The following LCA5L variants were observed in gnomAD, a reference collection of about 807,000 sequenced individuals.
The protein encoded by LCA5L is lebercilin LCA5 like, also known as lebercilin-like protein.
Under a neutral mutation model 45.4 loss-of-function variants are expected in LCA5L, and 35 were observed. The observed-to-expected ratio is 0.77, with a 90% CI of 0.59 to 1.02. The LOEUF is 1.02. LCA5L is among the 50% of genes least tolerant of loss of function. LCA5L has a pLI of 0.00. For synonymous variants in LCA5L, 233 were observed against 264.7 expected (o/e 0.88, Z 1.16); for missense variants, 668 against 761.6 (o/e 0.88, Z 1.45).
rs776399756 is a variant in LCA5L at position 39,423,490 on chromosome 21, C to A, written c.323G>T (p.Gly108Val). ...YNVSKISQSK[G>V]QKEISVEKKH... ...TTTTTCAACTGATATTTCCTTCTGG[C>A]CTGTGTAAGCAGAAAATCCAGTTTA... The change falls in exon 6 of 11, where the codon GGC becomes GTC. Residue 108 changes from glycine to valine, a missense_variant and splice_region_variant. Physicochemically the swap from Gly to Val is moderately radical, Grantham distance 109. Coordinates refer to ENST00000288350, the MANE Select transcript of LCA5L (RefSeq NM_152505.4). 6.5e-7 allele frequency: 1 copy of A among 1,541,996 alleles called. No homozygotes were observed. Among genetic ancestry groups the A allele is most frequent in the East Asian group, 2.3e-5 (1 of 44,088 alleles).
chr21:39,434,175 C>T (rs1400140931), intron 3 of LCA5L, among the ~76,000 whole-genome samples: 7 of 152,106 alleles, frequency 4.6e-5, no homozygotes, highest in South Asian at 4.1e-4. Flanking sequence ...CATGAAATGG[C>T]GACTGAGAGA....
At chr21:39,423,523 T>C (rs918456138) in intron 5 of LCA5L, 33 bp from the exon 6 acceptor site, 5 of 1,508,024 alleles carry the variant, frequency 3.3e-6, no homozygotes, top group Non-Finnish European at 4.4e-6. Flanking sequence ...TTATTACTAG[T>C]AAAATATACA....
intron 3 of LCA5L, among the ~76,000 whole-genome samples, chr21:39,429,753 C>T (rs1270576184): frequency 6.6e-6 from 1 of 152,174 alleles, no homozygotes; most frequent in Non-Finnish European, 1.5e-5. Context: ...CATTGTGGCT[C>T]ACATCTGAAA....
In LCA5L at chr21:39,411,759, C is replaced by A; in HGVS notation, c.1019G>T (p.Arg340Leu). The change falls in exon 8 of 11, where the codon CGA (arginine) becomes CTA (leucine). Residue 340 changes from arginine (R) to leucine (L), a missense_variant. Physicochemically the swap from Arg to Leu is moderately radical, Grantham distance 102 (BLOSUM62 -2). Coordinates refer to ENST00000288350, the MANE Select transcript of LCA5L (RefSeq NM_152505.4). ...TGTGTCATGTAAATTTTTAAGTATT[C>A]GATGACTATAGATGTTTTTAATTTC... ...ELEIKNIYSH[R>L]ILKNLHDTED... is the part of the protein sequence containing the mutation. 6.3e-7 allele frequency: 1 copy of A among 1,589,340 alleles called. No homozygotes were observed.
intron 7 of LCA5L, chr21:39,413,998 G>A (rs2040572006): frequency 6.6e-6 from 1 of 152,296 alleles, no homozygotes; most frequent in African/African-American, 2.4e-5. Context: ...TTGGAGCAGA[G>A]CTTCAGGTTG....
chr21:39,406,059 G>A lies in LCA5L; in HGVS notation c.1836C>T (p.Asp612=), dbSNP rs755278588. The A allele has an allele frequency of 5.6e-6, 9 of 1,614,066 alleles. No homozygotes were observed. The highest frequency in any genetic ancestry group is 7.6e-6 in the Non-Finnish European group (9 of 1,180,022). Residue 612 remains aspartate, a synonymous_variant, in exon 11 of 11, where the codon GAC becomes GAT. Transcript: ENST00000288350. ...CTTTTGCAACACCAGGACTTGATTG[G>A]TCAGTTTTCAAGACATAGCCTGATC... The part of the protein sequence containing the change: ...LFGSGYVLKT[D]QSSPGVAKGS...
At chr21:39,408,550 T>TTGGCC (rs1315458991) in intron 10 of LCA5L, 1 of 152,366 alleles carries the variant, frequency 6.6e-6, no homozygotes, top group African/African-American at 2.4e-5. Context: ...AGCCAGGGCC[T>TTGGCC]TGGCCTGTCT....
intron 2 of LCA5L, among the ~76,000 whole-genome samples, chr21:39,435,926 C>T (rs1283529232): frequency 6.6e-6 from 1 of 152,204 alleles, no homozygotes; most frequent in Non-Finnish European, 1.5e-5. Flanking sequence ...GTGTGAGCTA[C>T]TGCACCTGGC....
chr21:39,407,789 C>T (rs1428254539), intron 10 of LCA5L: 1 of 152,234 alleles, frequency 6.6e-6, no homozygotes, highest in Non-Finnish European at 1.5e-5. Flanking sequence ...GATACACTTT[C>T]TAGGACACTA....
intron 7 of LCA5L, among the ~76,000 whole-genome samples, chr21:39,417,786 G>C (rs1023700497): frequency 2.6e-5 from 4 of 151,732 alleles, no homozygotes; most frequent in Non-Finnish European, 2.9e-5. Flanking sequence ...TTTTTTTTGA[G>C]ATGGAGTCTC....
intron 7 of LCA5L, among the ~76,000 whole-genome samples, chr21:39,418,608 C>T (rs1312506947): frequency 1.3e-5 from 2 of 152,110 alleles, no homozygotes; most frequent in African/African-American, 4.8e-5. Context: ...TCAAGCAATT[C>T]TCCTGCCTCA....
intron 2 of LCA5L, among the ~76,000 whole-genome samples, chr21:39,441,026 A>T (rs997674047): frequency 6.6e-6 from 1 of 152,140 alleles, no homozygotes; most frequent in Non-Finnish European, 1.5e-5. Context: ...ACATTGACAA[A>T]GGGAGGTTAT....
intron 10 of LCA5L, chr21:39,406,833 T>C: frequency 4.4e-6 from 2 of 454,270 alleles, no homozygotes; most frequent in Non-Finnish European, 7.7e-6. Flanking sequence ...ATGGGAATTA[T>C]GAAACCAAAA....
chr21:39,422,856 G>T, intron 6 of LCA5L, 120 bp downstream of exon 6: 1 of 913,100 alleles, frequency 1.1e-6, no homozygotes, highest in Non-Finnish European at 1.7e-6. Flanking sequence ...ATTTAGTGCA[G>T]CACGCCAAGT....
At chr21:39,420,522 C>CAAAAAAAAAAAAAAAAAAAAAAA (rs397972848) in intron 7 of LCA5L, among the ~76,000 whole-genome samples, 184 bp downstream of exon 7, 1 of 87,158 alleles carries the variant, frequency 1.1e-5, no homozygotes. Context: ...GATTCTATCT[C>CAAAAAAAAAAAAAAAAAAAAAAA]AAAAAAAAAA....
chr21:39,439,681 A>C (rs575037769), intron 2 of LCA5L: 6 of 152,242 alleles, frequency 3.9e-5, no homozygotes, highest in Non-Finnish European at 7.3e-5. Flanking sequence ...GAGCTGGAGA[A>C]AACAGCCGAC....
At chr21:39,441,579 G>A (rs2076866043) in intron 2 of LCA5L, among the ~76,000 whole-genome samples, 2 of 152,196 alleles carry the variant, frequency 1.3e-5, no homozygotes. Flanking sequence ...GACTAGCTAT[G>A]CTATGTAGGT....
intron 7 of LCA5L, among the ~76,000 whole-genome samples, 166 bp from the exon 8 acceptor site, chr21:39,411,968 A>G (rs554661720): frequency 2.6e-5 from 4 of 152,346 alleles, no homozygotes; most frequent in African/African-American, 9.6e-5. Context: ...TGACATCGAA[A>G]AGTACTAGCT....
In LCA5L at chr21:39,409,337, C is replaced by T. The variant is rs867055923; in HGVS notation, c.1282+642G>A. Among the ~76,000 whole-genome samples, 6 of 151,974 alleles carry T rather than the reference C, an allele frequency of 3.9e-5. No individual in the cohort carries two copies. The highest frequency in any genetic ancestry group is 1.9e-4 in the East Asian group (1 of 5,170). The stretch of plus-strand genomic sequence containing the variant: ...GAAAATAAATAAGTGTTGTTTAAAC[C>T]GGCAGTCTGTGGTATTTTCTTATGG... On this transcript the variant is annotated intron_variant, in intron 10 of 10. Transcript: ENST00000288350. The surrounding 1 kb of genome is among the most constrained non-coding windows in gnomAD (Gnocchi z 4.2).
Sources: allele counts gnomAD v4.1 joint callset (sites outside exome capture counted in the v4.1 genomes callset), GRCh38; gene constraint gnomAD v4.1.1; non-coding constraint Gnocchi (gnomAD v3.1); transcripts MANE v1.5; gene names NCBI Gene and HGNC (gene_info 2026-07-23, HGNC 2026-07-21).